HELLS: variants seen among roughly 807,000 people sequenced by gnomAD.
HELLS encodes lymphoid-specific helicase.
Under a neutral mutation model 120.0 loss-of-function variants are expected in HELLS, and 32 were observed. The ratio of observed to expected loss-of-function variants is 0.27; its 90% CI spans 0.20 to 0.36. The LOEUF is 0.36. Among genes scored for constraint, HELLS ranks in the 10% least tolerant of loss-of-function variants. HELLS has a pLI of 1.00. For missense variants in HELLS, 650 were observed against 993.4 expected (o/e 0.65, Z 4.65); for synonymous variants, 341 against 323.4 (o/e 1.05, Z -0.58).
chr10:94,551,778 T>C (rs928116492), intron 2 of HELLS, among the ~76,000 whole-genome samples: 1 of 151,566 alleles, frequency 6.6e-6, no homozygotes, highest in Non-Finnish European at 1.5e-5. Flanking sequence ...CTCGCTCTGT[T>C]GCCCAGGCTG....
rs11188021 is a variant in HELLS at position 94,556,029 on chromosome 10, C to T, written c.276+1781C>T. 4.6e-5 allele frequency among the ~76,000 whole-genome samples: 7 copies of T among 152,290 alleles called. No homozygotes were observed. The East Asian group carries it at 1.4e-3, about 29-fold the overall frequency. ...ACCCAAAGAGGGGCTTGTGGGAACC[C>T]TGATTTATAGCTATTCAGTAAGAAG... On this transcript the variant is annotated intron_variant, in intron 3 of 21. Coordinates refer to ENST00000348459, the MANE Select transcript of HELLS (RefSeq NM_018063.5).
intron 4 of HELLS, among the ~76,000 whole-genome samples, chr10:94,561,687 G>A (rs1273621849): frequency 1.3e-5 from 2 of 152,010 alleles, no homozygotes; most frequent in African/African-American, 4.8e-5. Flanking sequence ...AGCTGGTCTT[G>A]TACTCCTGGC....
At chr10:94,609,008 C>T (rs1846158798) in intron 9 of HELLS, among the ~76,000 whole-genome samples, 1 of 137,384 alleles carries the variant, frequency 7.3e-6, no homozygotes, top group Admixed American at 7.4e-5. Flanking sequence ...TCTGTATCCA[C>T]CTCTTTTTTT....
At chr10:94,597,227 C>T in intron 21 of HELLS, 116 bp downstream of exon 21, 1 of 565,602 alleles carries the variant, frequency 1.8e-6, no homozygotes, top group Non-Finnish European at 3.1e-6. Context: ...GTTTTATTGT[C>T]ATTTTTCTTC....
chr10:94,579,773 G>A (rs560589938), intron 10 of HELLS, among the ~76,000 whole-genome samples: 1 of 152,070 alleles, frequency 6.6e-6, no homozygotes, highest in African/African-American at 2.4e-5. Context: ...CTCCCAAAGT[G>A]CTGGGAGTAC....
intron 21 of HELLS, 141 bp from the exon 22 acceptor site, chr10:94,601,387 G>C (rs770730882): frequency 7.3e-6 from 4 of 547,480 alleles, no homozygotes; most frequent in Non-Finnish European, 1.3e-5. Flanking sequence ...GGTGATTAAG[G>C]AAGAGAGTGC....
rs1473440973 is a variant in HELLS at position 94,576,931 on chromosome 10, T to C, written c.1032+126T>C. On this transcript the variant is annotated intron_variant, in intron 10 of 21. Coordinates refer to ENST00000348459, the MANE Select transcript of HELLS (RefSeq NM_018063.5). ...TTGTTGTCGAAATAATAGATTATAT[T>C]GTGCATATACCTGTAGAAGCTGGAA... is the stretch of plus-strand genomic sequence containing the variant. The C allele has an allele frequency of 2.0e-5, 15 of 767,190 alleles. No individual in the cohort carries two copies. The South Asian group carries it at 2.6e-4, about 13-fold the overall frequency. 47.5% of individuals were successfully genotyped at this position (767,190 alleles called of 1,614,324 possible).
intron 12 of HELLS, among the ~76,000 whole-genome samples, chr10:94,584,730 T>C (rs1417347615): frequency 6.6e-6 from 1 of 152,176 alleles, no homozygotes; most frequent in Non-Finnish European, 1.5e-5. Flanking sequence ...TCATAGTTGA[T>C]AATTCCATAA....
downstream of HELLS, among the ~76,000 whole-genome samples, chr10:94,604,207 A>G (rs1430312321): frequency 2.7e-5 from 4 of 148,866 alleles, no homozygotes; most frequent in African/African-American, 1.0e-4. Context: ...TCACTGCAAC[A>G]TCTGCCCCCC....
chr10:94,555,424 G>A (rs925312257), intron 3 of HELLS, among the ~76,000 whole-genome samples: 6 of 152,046 alleles, frequency 3.9e-5, no homozygotes, highest in East Asian at 1.9e-4. Context: ...ATGACAGAGT[G>A]AGACCCTGCC....
intron 6 of HELLS, chr10:94,569,499 C>T (rs1844023806): frequency 6.6e-6 from 1 of 152,104 alleles, no homozygotes; most frequent in Admixed American, 6.6e-5. Context: ...TTTTTTAGAA[C>T]CATAACCACA....
chr10:94,555,494 T>G (rs1170761643), intron 3 of HELLS, among the ~76,000 whole-genome samples: 2 of 152,204 alleles, frequency 1.3e-5, no homozygotes, highest in African/African-American at 2.4e-5. Flanking sequence ...AACTTCTGGA[T>G]AGCTGAACAC....
At chr10:94,592,688 T>TAA (rs1845550480) in intron 17 of HELLS, among the ~76,000 whole-genome samples, 174 bp downstream of exon 17, 2 of 152,198 alleles carry the variant, frequency 1.3e-5, no homozygotes, top group African/African-American at 4.8e-5. Context: ...TCTTAATTTT[T>TAA]GATTCACAAA....
At chr10:94,555,626 C>G (rs1379671566) in intron 3 of HELLS, among the ~76,000 whole-genome samples, 3 of 151,974 alleles carry the variant, frequency 2.0e-5, no homozygotes, top group Non-Finnish European at 4.4e-5. Flanking sequence ...TGTAATCTTT[C>G]TTTCTTTCTT....
At chr10:94,572,637 T>G (rs2134049036) in intron 7 of HELLS, among the ~76,000 whole-genome samples, 1 of 152,334 alleles carries the variant, frequency 6.6e-6, no homozygotes, top group East Asian at 1.9e-4. Context: ...GTTGCTATGA[T>G]AATTTGCACA....
intron 4 of HELLS, among the ~76,000 whole-genome samples, chr10:94,559,694 T>G (rs529041406): frequency 6.6e-6 from 1 of 152,128 alleles, no homozygotes; most frequent in African/African-American, 2.4e-5. Context: ...TCCACCCGCC[T>G]CAGCCTCCCA....
At chr10:94,556,811 G>A (rs895155280) in intron 3 of HELLS, among the ~76,000 whole-genome samples, 2 of 152,070 alleles carry the variant, frequency 1.3e-5, no homozygotes, top group African/African-American at 4.8e-5. Context: ...GTACTTTAAA[G>A]ATGTTTCACT....
At chr10:94,555,521 A>G (rs543026037) in intron 3 of HELLS, among the ~76,000 whole-genome samples, 24 of 152,336 alleles carry the variant, frequency 1.6e-4, no homozygotes, top group African/African-American at 5.5e-4. Flanking sequence ...GTTCCTGGAG[A>G]GGATGGCGCA....
At chr10:94,559,078 G>A (rs549046166) in intron 4 of HELLS, among the ~76,000 whole-genome samples, 16 of 152,212 alleles carry the variant, frequency 1.1e-4, no homozygotes, top group African/African-American at 3.4e-4. Context: ...TCCTGACACC[G>A]TCATGGTCAT....
Sources: allele counts gnomAD v4.1 joint callset (sites outside exome capture counted in the v4.1 genomes callset), GRCh38; gene constraint gnomAD v4.1.1; transcripts MANE v1.5; gene names NCBI Gene and HGNC (gene_info 2026-07-23, HGNC 2026-07-21).